FBXL17: variants seen among roughly 807,000 people sequenced by gnomAD.
FBXL17 encodes F-box and leucine rich repeat protein 17.
A neutral mutation model predicts 66.2 loss-of-function variants in FBXL17; 22 were observed. That is an observed-to-expected ratio of 0.33 (90% CI 0.24 to 0.47). The LOEUF (loss-of-function observed/expected upper bound fraction) is 0.47, where lower values mean the gene tolerates loss of function less well. Ranked by LOEUF, FBXL17 falls within the 20% of genes least tolerant of loss-of-function variation. FBXL17 has a pLI of 1.00. For missense variants in FBXL17, 878 were observed against 948.2 expected, an observed-to-expected ratio of 0.93 and a Z score of 0.97; for synonymous variants, 474 against 400.5, an observed-to-expected ratio of 1.18 and a Z score of -2.19.
chr5:108,047,976 T>C (rs1425740652), intron 6 of FBXL17, among the ~76,000 whole-genome samples: 1 of 152,190 alleles, frequency 6.6e-6, no homozygotes, highest in Non-Finnish European at 1.5e-5. Context: ...CTGTTCCCCA[T>C]GCCACCCAAC....
intron 4 of FBXL17, among the ~76,000 whole-genome samples, chr5:108,326,769 C>A (rs536034927): frequency 6.6e-6 from 1 of 152,260 alleles, no homozygotes; most frequent in South Asian, 2.1e-4. Context: ...TAAGGTACCA[C>A]TACACACCCA....
intron 6 of FBXL17, among the ~76,000 whole-genome samples, chr5:108,121,635 C>A (rs1750504480): frequency 1.3e-5 from 2 of 151,996 alleles, no homozygotes; most frequent in African/African-American, 4.8e-5. Context: ...CGGCTCACTG[C>A]AAGCTCCGTC....
intron 4 of FBXL17, among the ~76,000 whole-genome samples, chr5:108,337,001 G>A (rs1245134279): frequency 2.0e-5 from 3 of 151,804 alleles, no homozygotes; most frequent in Non-Finnish European, 4.4e-5. Context: ...GGTGGCTCAC[G>A]CCTCCCAGAA....
chr5:108,292,628 C>A (rs1758160133), intron 4 of FBXL17, among the ~76,000 whole-genome samples: 1 of 152,178 alleles, frequency 6.6e-6, no homozygotes, highest in Non-Finnish European at 1.5e-5. Context: ...CAAAAAACCT[C>A]TGAACTCCCA....
chr5:108,268,992 T>C (rs1045260688), intron 4 of FBXL17, among the ~76,000 whole-genome samples: 17 of 152,042 alleles, frequency 1.1e-4, no homozygotes, highest in African/African-American at 3.9e-4. Context: ...GAGTAGTAAA[T>C]TATGAAAATA....
intron 7 of FBXL17, among the ~76,000 whole-genome samples, chr5:108,008,240 CAA>C (rs1754014239): frequency 1.3e-5 from 2 of 152,098 alleles, no homozygotes; most frequent in East Asian, 3.8e-4. Context: ...TGTCAGGGTC[CAA>C]GAGAGTGAAA....
intron 7 of FBXL17, among the ~76,000 whole-genome samples, chr5:107,949,244 G>C (rs1307112169): frequency 4.0e-5 from 6 of 150,942 alleles, no homozygotes; most frequent in Admixed American, 4.0e-4. Flanking sequence ...TATACAACAA[G>C]AGAAGTAACA....
In FBXL17 at chr5:108,186,526, C is replaced by T. The variant is rs548629492; in HGVS notation, c.1615-279G>A. Among the ~76,000 whole-genome samples, 4 of 152,146 alleles carry T rather than the reference C, an allele frequency of 2.6e-5. No homozygotes were observed. The East Asian group carries it at 7.7e-4, about 29-fold the overall frequency. ...GTGGCTCACATCTGTAATCCCAGCACTTTGGGAAGCTGAGGCGGGTGGATC... is the reference window on the plus strand; with the variant it reads ...GTGGCTCACATCTGTAATCCCAGCATTTTGGGAAGCTGAGGCGGGTGGATC... On this transcript the variant is annotated intron_variant, in intron 5 of 8. Coordinates refer to ENST00000542267, the MANE Select transcript of FBXL17 (RefSeq NM_001163315.3).
intron 4 of FBXL17, among the ~76,000 whole-genome samples, chr5:108,248,774 C>T (rs569512027): frequency 6.6e-6 from 1 of 151,858 alleles, no homozygotes; most frequent in Non-Finnish European, 1.5e-5. Flanking sequence ...ACCATGTAAG[C>T]CAGATGGAAG....
At chr5:107,939,013 C>T (rs79955751) in intron 7 of FBXL17, among the ~76,000 whole-genome samples, 12,677 of 152,008 alleles carry the variant, frequency 0.083, 684 homozygotes, top group South Asian at 0.15. Context: ...GCCATTCAGA[C>T]GAAATAGAAT....
intron 7 of FBXL17, among the ~76,000 whole-genome samples, chr5:107,942,211 C>T (rs1751128869): frequency 6.6e-6 from 1 of 152,164 alleles, no homozygotes; most frequent in African/African-American, 2.4e-5. Context: ...CCTTCCCCAC[C>T]ACCATGGTTC....
intron 4 of FBXL17, among the ~76,000 whole-genome samples, chr5:108,306,306 C>T (rs1371496481): frequency 6.6e-6 from 1 of 152,002 alleles, no homozygotes; most frequent in Non-Finnish European, 1.5e-5. Flanking sequence ...GCATTTAATA[C>T]AAATTACTAA....
chr5:107,911,734 A>G (rs1014702394), intron 7 of FBXL17, among the ~76,000 whole-genome samples: 1 of 152,182 alleles, frequency 6.6e-6, no homozygotes, highest in Non-Finnish European at 1.5e-5. Context: ...TCTAAAAGCC[A>G]AATACATTTT....
At chr5:108,121,846 C>T (rs1420390283) in intron 6 of FBXL17, among the ~76,000 whole-genome samples, 8 of 152,110 alleles carry the variant, frequency 5.3e-5, no homozygotes, top group Non-Finnish European at 1.2e-4. Context: ...CGTGAGCCAC[C>T]GCGCTCGGCC....
intron 7 of FBXL17, among the ~76,000 whole-genome samples, chr5:107,881,820 C>T (rs990444103): frequency 2.6e-5 from 4 of 152,110 alleles, no homozygotes; most frequent in African/African-American, 7.2e-5. Context: ...AGAAGTCTTC[C>T]TTCTATTAAC....
intron 7 of FBXL17, among the ~76,000 whole-genome samples, chr5:108,009,244 G>A (rs1223846843): frequency 4.4e-4 from 7 of 15,920 alleles, no homozygotes; most frequent in Admixed American, 2.6e-3. Context: ...CAGCTTGGTC[G>A]TGAGTTGTTC....
At chr5:107,956,348 C>T (rs1751665363) in intron 7 of FBXL17, among the ~76,000 whole-genome samples, 1 of 152,118 alleles carries the variant, frequency 6.6e-6, no homozygotes, top group Non-Finnish European at 1.5e-5. Context: ...GTTTATTTTG[C>T]ACGAGGTTTC....
chr5:108,281,254 CAT>C (rs1757691895), intron 4 of FBXL17, among the ~76,000 whole-genome samples: 1 of 151,810 alleles, frequency 6.6e-6, no homozygotes, highest in South Asian at 2.1e-4. Context: ...CTAGATAGAC[CAT>C]ATGTTAAGCC....
intron 4 of FBXL17, among the ~76,000 whole-genome samples, chr5:108,271,085 T>C (rs1428233888): frequency 8.9e-6 from 1 of 111,784 alleles, no homozygotes; most frequent in Non-Finnish European, 2.0e-5. Flanking sequence ...ATAAAGACAA[T>C]GCAAAAAAAA....
Sources: allele counts gnomAD v4.1 joint callset (sites outside exome capture counted in the v4.1 genomes callset), GRCh38; gene constraint gnomAD v4.1.1; transcripts MANE v1.5; gene names NCBI Gene and HGNC (gene_info 2026-07-23, HGNC 2026-07-21).